DAPK1: variants seen among roughly 807,000 people sequenced by gnomAD.
DAPK1 encodes death associated protein kinase 1.
A neutral mutation model predicts 144.9 loss-of-function variants in DAPK1; 56 were observed. The ratio of observed to expected loss-of-function variants is 0.39; its 90% confidence interval spans 0.31 to 0.48. DAPK1 has a LOEUF of 0.48. Among genes scored for constraint, DAPK1 ranks in the 20% least tolerant of loss-of-function variants. DAPK1 has a pLI of 0.95. For synonymous variants in DAPK1, 690 were observed against 749.0 expected (o/e 0.92, Z 1.29); for missense variants, 1,454 against 1,875.4 (o/e 0.78, Z 4.15).
At chr9:87,663,783 C>T (rs1434586885) in intron 18 of DAPK1, among the ~76,000 whole-genome samples, 6 of 152,088 alleles carry the variant, frequency 3.9e-5, no homozygotes, top group Admixed American at 3.9e-4. Context: ...ACACCAGGGT[C>T]CCTCCCTCCA....
At chr9:87,645,824 T>G in intron 11 of DAPK1, 71 bp from the exon 12 acceptor site, 1 of 1,575,772 alleles carries the variant, frequency 6.3e-7, no homozygotes, top group South Asian at 1.2e-5. Context: ...GAGCACAGGT[T>G]TCTTTTATGT....
chr9:87,647,059 G>T (rs982528235), intron 13 of DAPK1, among the ~76,000 whole-genome samples: 1 of 152,136 alleles, frequency 6.6e-6, no homozygotes, highest in Non-Finnish European at 1.5e-5. Context: ...ACAAAAAAAA[G>T]TTGGAAAAGT....
At chr9:87,613,765 C>T (rs1244880078) in intron 3 of DAPK1, among the ~76,000 whole-genome samples, 1 of 152,180 alleles carries the variant, frequency 6.6e-6, no homozygotes, top group African/African-American at 2.4e-5. Flanking sequence ...GCACAGAGCC[C>T]TTCAGTCTCC....
chr9:87,655,240 T>C (rs1331521969), intron 17 of DAPK1, among the ~76,000 whole-genome samples: 1 of 152,208 alleles, frequency 6.6e-6, no homozygotes, highest in Non-Finnish European at 1.5e-5. Context: ...AAGCTCTGCA[T>C]CTCTGCCCCC....
Position 87,611,939 on chromosome 9 carries a change from C to T in DAPK1, c.284+6764C>T, listed in dbSNP as rs142672003. On this transcript the variant is annotated intron_variant, in intron 3 of 25. Coordinates refer to ENST00000408954, the MANE Select transcript of DAPK1 (RefSeq NM_004938.4). Reference sequence around the variant, plus strand: ...ATTTTGGGTTTTGCAATAACAAGACCACAGACTGGGTAATTTATAGAGAAA... The same window carrying T: ...ATTTTGGGTTTTGCAATAACAAGACTACAGACTGGGTAATTTATAGAGAAA... Among the ~76,000 whole-genome samples the T allele has an allele frequency of 2.5e-3, 385 of 152,282 alleles. 4 individuals carry two copies. Among genetic ancestry groups the T allele is most frequent in the African/African-American group, 8.8e-3 (365 of 41,558 alleles).
At chr9:87,654,196 AT>A (rs1430935630) in intron 17 of DAPK1, among the ~76,000 whole-genome samples, 2 of 152,196 alleles carry the variant, frequency 1.3e-5, no homozygotes, top group African/African-American at 4.8e-5. Context: ...TTTTCTCTGA[AT>A]TCCATATAGA....
chr9:87,514,300 C>T (rs759470181), intron 2 of DAPK1, among the ~76,000 whole-genome samples: 1 of 152,144 alleles, frequency 6.6e-6, no homozygotes, highest in Non-Finnish European at 1.5e-5. Flanking sequence ...AGGTCTAGGG[C>T]AGTTGCTGTT....
chr9:87,621,310 A>G (rs1829286164), intron 3 of DAPK1, among the ~76,000 whole-genome samples: 1 of 152,140 alleles, frequency 6.6e-6, no homozygotes, highest in Non-Finnish European at 1.5e-5. Flanking sequence ...GTGTGGGGAG[A>G]GGCCTGTGCC....
chr9:87,668,429 T>C, intron 18 of DAPK1, 168 bp from the exon 19 acceptor site: 1 of 641,300 alleles, frequency 1.6e-6, no homozygotes. Context: ...TCAAGTGAAA[T>C]AAGGATTGCA....
chr9:87,636,053 C>T lies in DAPK1; in HGVS notation c.285-1890C>T, dbSNP rs983518826. On this transcript the variant is annotated intron_variant, in intron 3 of 25. Coordinates refer to ENST00000408954, the MANE Select transcript of DAPK1 (RefSeq NM_004938.4). ...AAGAATAAGATGCAAAAGTGAGAAG[C>T]GGGAGGCCTTGCCTTGTTCCGTGGG... is the stretch of plus-strand genomic sequence containing the variant. Among the ~76,000 whole-genome samples, 5 of 152,126 alleles carry T rather than the reference C, an allele frequency of 3.3e-5. No homozygotes were observed. The East Asian group carries it at 5.8e-4, about 18-fold the overall frequency.
At chr9:87,659,709 C>T (rs1052246297) in intron 18 of DAPK1, among the ~76,000 whole-genome samples, 1 of 152,188 alleles carries the variant, frequency 6.6e-6, no homozygotes, top group African/African-American at 2.4e-5. Context: ...CTCCCGCTTG[C>T]CACCGCAGGA....
chr9:87,530,746 G>A (rs1246666248), intron 2 of DAPK1, among the ~76,000 whole-genome samples: 3 of 152,162 alleles, frequency 2.0e-5, no homozygotes, highest in Non-Finnish European at 4.4e-5. Context: ...GGGGTTTCAT[G>A]TGCTGGAGCC....
chr9:87,648,763 G>C lies in DAPK1; in HGVS notation c.1330-18G>C. 1.2e-6 allele frequency: 2 copies of C among 1,607,946 alleles called. 1 individual carries two copies. Among genetic ancestry groups the C allele is most frequent in the Non-Finnish European group, 1.7e-6 (2 of 1,174,288 alleles). Reference sequence around the variant, plus strand: ...TCACAGATGTGGCTCTGAATCACCGGCTCCTTTTCTTCTGCAGTCTGGAGA... The same window carrying C: ...TCACAGATGTGGCTCTGAATCACCGCCTCCTTTTCTTCTGCAGTCTGGAGA... On this transcript the variant is annotated intron_variant, in intron 14 of 25. Coordinates refer to ENST00000408954, the MANE Select transcript of DAPK1 (RefSeq NM_004938.4).
chr9:87,656,208 G>C (rs1377906737), intron 17 of DAPK1, among the ~76,000 whole-genome samples: 2 of 152,180 alleles, frequency 1.3e-5, no homozygotes, highest in African/African-American at 4.8e-5. Context: ...GCCGTGGGCT[G>C]TCGCTGACAC....
At chr9:87,638,197 T>A in intron 4 of DAPK1, 116 bp downstream of exon 4, 2 of 1,127,352 alleles carry the variant, frequency 1.8e-6, no homozygotes, top group Non-Finnish European at 2.5e-6. Context: ...TGTACCAGTT[T>A]AACAAACAGA....
chr9:87,591,769 T>G (rs1019087048), intron 2 of DAPK1, among the ~76,000 whole-genome samples: 1 of 152,234 alleles, frequency 6.6e-6, no homozygotes, highest in Admixed American at 6.5e-5. Flanking sequence ...AAGTGGAAAG[T>G]AAGCTGCAGA....
chr9:87,530,975 G>A (rs1013887448), intron 2 of DAPK1, among the ~76,000 whole-genome samples: 3 of 152,244 alleles, frequency 2.0e-5, no homozygotes, highest in Middle Eastern at 3.4e-3. Context: ...GAGCATTAGC[G>A]CCAGGCCTTT....
At chr9:87,702,128 A>G (rs887078221) in intron 24 of DAPK1, among the ~76,000 whole-genome samples, 2 of 152,168 alleles carry the variant, frequency 1.3e-5, no homozygotes, top group Non-Finnish European at 2.9e-5. Flanking sequence ...GAGCTCAGGC[A>G]GGTGGAGCCC....
chr9:87,600,539 G>GCTGTGATTGCATCAC (rs1180476659), intron 2 of DAPK1, among the ~76,000 whole-genome samples: 6 of 152,270 alleles, frequency 3.9e-5, no homozygotes, highest in African/African-American at 1.4e-4. Flanking sequence ...GCTGCAGTGA[G>GCTGTGATTGCATCAC]CTGTGATTGC....
Sources: allele counts gnomAD v4.1 joint callset (sites outside exome capture counted in the v4.1 genomes callset), GRCh38; gene constraint gnomAD v4.1.1; transcripts MANE v1.5; gene names NCBI Gene and HGNC (gene_info 2026-07-23, HGNC 2026-07-21).